Variants in NFKB1 observed in about 807,000 individuals in gnomAD.
The protein encoded by NFKB1 is nuclear factor kappa B subunit 1.
Under a neutral mutation model 105.1 loss-of-function variants are expected in NFKB1, and 9 were observed. That is an observed-to-expected ratio of 0.09 (90% CI 0.05 to 0.15). The LOEUF is 0.15. Among genes scored for constraint, NFKB1 ranks in the 10% least tolerant of loss-of-function variants. NFKB1 has a pLI of 1.00. For synonymous variants in NFKB1, 440 were observed against 442.2 expected, an observed-to-expected ratio of 1.00 and a Z score of 0.06; for missense variants, 830 against 1,203.7, an observed-to-expected ratio of 0.69 and a Z score of 4.59.
At chr4:102,577,119 G>A in intron 7 of NFKB1, 80 bp downstream of exon 7, 1 of 1,432,624 alleles carries the variant, frequency 7.0e-7, no homozygotes, top group African/African-American at 1.4e-5. Flanking sequence ...ATGTTCATCT[G>A]CATCCCTTCC....
At chr4:102,540,199 A>C (rs903155116) in intron 5 of NFKB1, among the ~76,000 whole-genome samples, 1 of 152,150 alleles carries the variant, frequency 6.6e-6, no homozygotes, top group South Asian at 2.1e-4. Context: ...GTTTACTTCT[A>C]TTGCTCTAGT....
intron 12 of NFKB1, 70 bp from the exon 13 acceptor site, chr4:102,594,822 G>T: frequency 1.8e-6 from 2 of 1,109,442 alleles, no homozygotes; most frequent in Non-Finnish European, 2.7e-6. Flanking sequence ...CTGAGAGACA[G>T]ACACTAAGTT....
intron 5 of NFKB1, among the ~76,000 whole-genome samples, chr4:102,565,304 C>A (rs781688766): frequency 2.0e-5 from 3 of 152,136 alleles, no homozygotes; most frequent in Non-Finnish European, 4.4e-5. Context: ...TGCAGCAGTT[C>A]TAGCCAAGTG....
At chr4:102,568,947 A>AC (rs2149170782) in intron 6 of NFKB1, among the ~76,000 whole-genome samples, 1 of 152,094 alleles carries the variant, frequency 6.6e-6, no homozygotes, top group South Asian at 2.1e-4. Context: ...AGATTTTCTA[A>AC]CCCTATATAA....
chr4:102,603,235 G>C (rs1252959106), intron 16 of NFKB1, among the ~76,000 whole-genome samples: 19 of 151,998 alleles, frequency 1.3e-4, no homozygotes, highest in Admixed American at 1.2e-3. Flanking sequence ...ACCACACCCA[G>C]CTAATTTTTG....
At chr4:102,607,819 G>A (rs6834974) in intron 19 of NFKB1, 68 bp downstream of exon 19, 10 of 1,366,792 alleles carry the variant, frequency 7.3e-6, no homozygotes, top group Middle Eastern at 1.8e-4. Flanking sequence ...CTTCAATAGA[G>A]CAGTCATGTT....
intron 16 of NFKB1, among the ~76,000 whole-genome samples, chr4:102,601,365 A>ATT (rs1727127598): frequency 6.6e-6 from 1 of 152,238 alleles, no homozygotes; most frequent in Non-Finnish European, 1.5e-5. Flanking sequence ...AAAGCCAGTA[A>ATT]TTTATAATAA....
chr4:102,519,275 A>G (rs1467199909), intron 1 of NFKB1, among the ~76,000 whole-genome samples: 8 of 148,082 alleles, frequency 5.4e-5, no homozygotes, highest in Non-Finnish European at 8.9e-5. Flanking sequence ...ATACACATAT[A>G]GTTTTCATAT....
intron 11 of NFKB1, among the ~76,000 whole-genome samples, chr4:102,591,724 G>T (rs1726195964): frequency 6.6e-6 from 1 of 152,174 alleles, no homozygotes; most frequent in Non-Finnish European, 1.5e-5. Context: ...AGTCACCCAA[G>T]AGCTCTGAAG....
At chr4:102,515,684 T>G (rs1740131120) in intron 1 of NFKB1, among the ~76,000 whole-genome samples, 1 of 152,200 alleles carries the variant, frequency 6.6e-6, no homozygotes, top group Non-Finnish European at 1.5e-5. Context: ...CTTCTGTTTG[T>G]CCTTCTGTGC....
chr4:102,616,533 T>C lies in NFKB1; in HGVS notation c.2849T>C (p.Leu950Pro). 6.2e-7 allele frequency: 1 copy of C among 1,614,102 alleles called. No individual in the cohort carries two copies. The highest frequency in any genetic ancestry group is 8.5e-7 in the Non-Finnish European group (1 of 1,180,008). ...TESLTSGASL[L>P]TLNKMPHDYG... ...TCTCTGACCAGTGGTGCCTCACTGC[T>C]AACTCTCAACAAAATGCCCCATGAT... Residue 950 changes from leucine (L) to proline (P), a missense_variant, in exon 24 of 24, where the codon CTA (leucine) becomes CCA (proline). Physicochemically the swap from Leu to Pro is moderately conservative, Grantham distance 98. Transcript: ENST00000226574.
chr4:102,597,022 G>T (rs958359623), intron 14 of NFKB1, among the ~76,000 whole-genome samples: 12 of 152,040 alleles, frequency 7.9e-5, no homozygotes, highest in Non-Finnish European at 1.8e-4. Context: ...GGTCACAAAT[G>T]CCATTCCCTG....
chr4:102,559,423 T>A (rs936649858), intron 5 of NFKB1, among the ~76,000 whole-genome samples: 11 of 151,372 alleles, frequency 7.3e-5, no homozygotes, highest in Admixed American at 4.0e-4. Context: ...TTGAACAGGA[T>A]CACTCAGGAA....
chr4:102,616,865 C>G lies in NFKB1; in HGVS notation c.*271C>G, dbSNP rs1728986333. ...GAGGTTGCTTACTAAGCTTTGCCAG[C>G]TGCTGCTGGATCACAGCTGCTTTCT... On this transcript the variant is annotated 3_prime_UTR_variant, in exon 24 of 24. Transcript: ENST00000226574. 1 of 308,372 alleles carries G rather than the reference C, an allele frequency of 3.2e-6. No homozygotes were observed. Among genetic ancestry groups the G allele is most frequent in the Non-Finnish European group, 6.1e-6 (1 of 162,894 alleles). 19.1% of individuals were successfully genotyped at this position (308,372 alleles called of 1,614,324 possible). A position where few individuals can be genotyped will look rare whatever the true frequency, so the allele number is the denominator to read the frequency against.
Position 102,612,613 on chromosome 4 carries a change from C to A in NFKB1, c.2592+7C>A, listed in dbSNP as rs771815479. On this transcript the variant is annotated splice_region_variant and intron_variant, in intron 22 of 23. Coordinates refer to ENST00000226574, the MANE Select transcript of NFKB1 (RefSeq NM_003998.4). ...ACTTATGGACAACTATGAGGTAACACCTTACCTTACAGATTTAGCAATTTT... is the reference window on the plus strand; with the variant it reads ...ACTTATGGACAACTATGAGGTAACAACTTACCTTACAGATTTAGCAATTTT... The A allele has an allele frequency of 3.7e-5, 60 of 1,610,522 alleles. No homozygotes were observed. The South Asian group carries it at 6.2e-4, about 17-fold the overall frequency.
rs1407374916 is a variant in NFKB1 at position 102,578,884 on chromosome 4, G to A, written c.575G>A (p.Arg192Gln). 8 of 1,613,828 alleles carry A rather than the reference G, an allele frequency of 5.0e-6. No homozygotes were observed. Among genetic ancestry groups the A allele is most frequent in the Admixed American group, 1.7e-5 (1 of 59,974 alleles). ...EGGGDRQLGD[R>Q]EKELIRQAAL... ...GGACTGTGCTGTATGGCCCTAGATC[G>A]GGAAAAAGAGCTAATCCGCCAAGCA... The change falls in exon 8 of 24, where the codon CGG becomes CAG. Residue 192 changes from arginine (R) to glutamine (Q), a missense_variant. Arg to Gln is a conservative substitution (Grantham distance 43). This residue lies in a region of NFKB1 where 80 missense variants were observed against 122.6 expected (regional missense o/e 0.65). Transcript: ENST00000226574.
At chr4:102,524,569 A>G (rs1296037584) in intron 1 of NFKB1, among the ~76,000 whole-genome samples, 1 of 152,110 alleles carries the variant, frequency 6.6e-6, no homozygotes, top group Non-Finnish European at 1.5e-5. Flanking sequence ...CATTACATAT[A>G]TTGTGCACTT....
At position 102,613,627 on chromosome 4, in the gene NFKB1, C is replaced by T. The variant is rs1200890070; in HGVS notation, c.2749+46C>T. 16 of 1,580,294 alleles carry T rather than the reference C, an allele frequency of 1.0e-5. No individual in the cohort carries two copies. The East Asian group carries it at 3.4e-4, about 33-fold the overall frequency. ...CAGTGGAGATATTTTCCAGCTCCCC[C>T]AGGCTGGTGTCTTCAGCTCTTTTTG... On this transcript the variant is annotated intron_variant, in intron 23 of 23. Coordinates refer to ENST00000226574, the MANE Select transcript of NFKB1 (RefSeq NM_003998.4).
intron 5 of NFKB1, among the ~76,000 whole-genome samples, chr4:102,561,852 C>T (rs1723467811): frequency 6.6e-6 from 1 of 152,112 alleles, no homozygotes; most frequent in African/African-American, 2.4e-5. Flanking sequence ...TGACAGTAAT[C>T]ATTTAGTTAC....
Sources: allele counts gnomAD v4.1 joint callset (sites outside exome capture counted in the v4.1 genomes callset), GRCh38; gene constraint gnomAD v4.1.1; regional missense constraint gnomAD v4.1.1; transcripts MANE v1.5; gene names NCBI Gene and HGNC (gene_info 2026-07-23, HGNC 2026-07-21).